The following LRIG1 variants were observed in gnomAD, a reference collection of about 807,000 sequenced individuals.
LRIG1 encodes leucine-rich repeats and immunoglobulin-like domains protein 1.
A neutral mutation model predicts 99.2 loss-of-function variants in LRIG1; 48 were observed. The ratio of observed to expected loss-of-function variants is 0.48; its 90% CI spans 0.38 to 0.62. The LOEUF (loss-of-function observed/expected upper bound fraction) is 0.62. LRIG1 is among the 20% of genes least tolerant of loss of function. The probability of loss-of-function intolerance (pLI) is 0.00; values close to 1 mark genes in which losing one functional copy is unlikely to be tolerated. For missense variants in LRIG1, 1,646 were observed against 1,434.4 expected (o/e 1.15, Z -2.38); for synonymous variants, 772 against 596.1 (o/e 1.29, Z -4.30).
chr3:66,382,918 C>T, intron 15 of LRIG1, 64 bp downstream of exon 15: 2 of 1,475,648 alleles, frequency 1.4e-6, no homozygotes, highest in Non-Finnish European at 1.8e-6. Context: ...GAACCCGGCC[C>T]AGTTCCCCAG....
chr3:66,382,651 G>A (rs1054021501), intron 15 of LRIG1, among the ~76,000 whole-genome samples: 1 of 152,192 alleles, frequency 6.6e-6, no homozygotes, highest in African/African-American at 2.4e-5. Context: ...GGAAAGCCGG[G>A]GCTCACAGAA....
At chr3:66,383,828 CTTGT>C (rs1163288238) in intron 14 of LRIG1, among the ~76,000 whole-genome samples, 159 bp downstream of exon 14, 19 of 152,290 alleles carry the variant, frequency 1.2e-4, no homozygotes, top group African/African-American at 4.6e-4. Flanking sequence ...GATAGAAACA[CTTGT>C]TTAAGAAAAA....
chr3:66,467,357 ATTTTT>A (rs11360909), intron 1 of LRIG1, among the ~76,000 whole-genome samples: 1 of 99,940 alleles, frequency 1.0e-5, no homozygotes, highest in African/African-American at 3.6e-5. Flanking sequence ...CACACTAGCT[ATTTTT>A]TTTTTTTTTT....
At chr3:66,400,405 C>A (rs1402988154) in intron 9 of LRIG1, among the ~76,000 whole-genome samples, 1 of 152,252 alleles carries the variant, frequency 6.6e-6, no homozygotes. Context: ...AAAGGCAGTG[C>A]TGACCATCAG....
chr3:66,442,939 G>A (rs1369446565), intron 3 of LRIG1, among the ~76,000 whole-genome samples: 1 of 152,014 alleles, frequency 6.6e-6, no homozygotes, highest in African/African-American at 2.4e-5. Flanking sequence ...CCTCTCATCT[G>A]GCTGGCTCAC....
chr3:66,488,234 A>G (rs1319180337), intron 1 of LRIG1, among the ~76,000 whole-genome samples: 1 of 152,150 alleles, frequency 6.6e-6, no homozygotes, highest in East Asian at 1.9e-4. Context: ...CAAGATTTTC[A>G]AAAACAGTGT....
At position 66,379,129 on chromosome 3, in the gene LRIG1, C is replaced by G. The variant is rs1006164290; in HGVS notation, c.*1134G>C. On this transcript the variant is annotated 3_prime_UTR_variant, in exon 19 of 19. Transcript: ENST00000273261. ...AAGGAACATTTGAAGGACCTTGTTT[C>G]TATTTAAGTTTTACTAAATGACACA... 3 of 152,410 alleles carry G rather than the reference C, an allele frequency of 2.0e-5. No individual in the cohort carries two copies. The highest frequency in any genetic ancestry group is 7.3e-5 in the African/African-American group (3 of 41,292). The allele number at this position is 152,410 out of a possible 1,614,324, so 9.4% of individuals were successfully genotyped here. A position where few individuals can be genotyped will look rare whatever the true frequency, so the allele number is the denominator to read the frequency against.
At chr3:66,417,381 TAAA>T (rs1559788799) in intron 3 of LRIG1, 115 bp from the exon 4 acceptor site, 1 of 1,044,346 alleles carries the variant, frequency 9.6e-7, no homozygotes, top group Non-Finnish European at 1.4e-6. Context: ...GTGACGCTCT[TAAA>T]AATGAGATCT....
intron 10 of LRIG1, 49 bp downstream of exon 10, chr3:66,398,921 G>A (rs756856460): frequency 1.3e-6 from 2 of 1,513,750 alleles, no homozygotes; most frequent in Non-Finnish European, 1.8e-6. Context: ...CTCCCCGGCA[G>A]CCGCATTCAG....
intron 3 of LRIG1, among the ~76,000 whole-genome samples, chr3:66,421,829 C>T (rs933273830): frequency 2.6e-5 from 4 of 152,234 alleles, no homozygotes; most frequent in African/African-American, 4.8e-5. Flanking sequence ...ATGAGGGCCC[C>T]GCCCCTGCAG....
At chr3:66,440,179 G>A (rs763693917) in intron 3 of LRIG1, among the ~76,000 whole-genome samples, 1 of 152,052 alleles carries the variant, frequency 6.6e-6, no homozygotes, top group Non-Finnish European at 1.5e-5. Flanking sequence ...GACCTGGAGA[G>A]CTTTTTTAAA....
chr3:66,448,592 C>A (rs1441073626), intron 3 of LRIG1, among the ~76,000 whole-genome samples: 1 of 152,184 alleles, frequency 6.6e-6, no homozygotes, highest in Non-Finnish European at 1.5e-5. Context: ...AAAAAAGTAA[C>A]GTATGTATCC....
intron 7 of LRIG1, among the ~76,000 whole-genome samples, chr3:66,409,125 G>A (rs1288137227): frequency 1.3e-5 from 2 of 151,984 alleles, no homozygotes; most frequent in African/African-American, 4.8e-5. Context: ...CTGAGGCTTG[G>A]CACTCTTAAC....
chr3:66,444,912 TA>T (rs1653945557), intron 3 of LRIG1, among the ~76,000 whole-genome samples: 2 of 151,592 alleles, frequency 1.3e-5, no homozygotes, highest in Non-Finnish European at 2.9e-5. Context: ...TGTATCTATC[TA>T]TATACATATA....
At chr3:66,401,064 C>G (rs1174801605) in intron 9 of LRIG1, among the ~76,000 whole-genome samples, 1 of 152,232 alleles carries the variant, frequency 6.6e-6, no homozygotes, top group Non-Finnish European at 1.5e-5. Flanking sequence ...AAAGCCAGCT[C>G]TGTTTCCTGC....
rs1213466166 is a variant in LRIG1 at position 66,410,880 on chromosome 3, T to C, written c.792-608A>G. Among the ~76,000 whole-genome samples, 7 of 152,228 alleles carry C rather than the reference T, an allele frequency of 4.6e-5. No homozygotes were observed. The East Asian group carries it at 1.2e-3, about 25-fold the overall frequency. ...ACAGCTTAGCCAGTAGGGAAGGGGC[T>C]AGAATTAATTCAACCCTGGGTCTGC... On this transcript the variant is annotated intron_variant, in intron 6 of 18. Coordinates refer to ENST00000273261, the MANE Select transcript of LRIG1 (RefSeq NM_015541.3).
chr3:66,434,175 C>A (rs1488667933), intron 3 of LRIG1, among the ~76,000 whole-genome samples: 1 of 152,154 alleles, frequency 6.6e-6, no homozygotes, highest in Non-Finnish European at 1.5e-5. Context: ...AAAGTATTTA[C>A]AAATCACATA....
chr3:66,399,724 C>T (rs557987626), intron 9 of LRIG1, among the ~76,000 whole-genome samples: 101 of 152,246 alleles, frequency 6.6e-4, no homozygotes, highest in Middle Eastern at 3.4e-3. Context: ...GCCATGATTG[C>T]GCCACTGCAC....
chr3:66,479,164 C>T (rs890930899), intron 1 of LRIG1, among the ~76,000 whole-genome samples: 1 of 152,242 alleles, frequency 6.6e-6, no homozygotes, highest in African/African-American at 2.4e-5. Context: ...TACTGCACTT[C>T]TGTCTAATTT....
Sources: gnomAD v4.1 joint callset for allele counts (sites outside exome capture counted in the v4.1 genomes callset) on GRCh38, gnomAD v4.1.1 for gene constraint, MANE v1.5 for transcripts, NCBI Gene and HGNC (gene_info 2026-07-23, HGNC 2026-07-21) for gene names.